The following MYO1C variants were observed in gnomAD, a reference collection of about 807,000 sequenced individuals.
The protein encoded by MYO1C is unconventional myosin-Ic.
In MYO1C, 104 loss-of-function variants were observed where a neutral mutation model predicts 150.8. That is an observed-to-expected ratio of 0.69 (90% CI 0.59 to 0.81). The LOEUF (loss-of-function observed/expected upper bound fraction) is 0.81. Among genes scored for constraint, MYO1C ranks in the 30% least tolerant of loss-of-function variants. MYO1C has a pLI of 0.00. For missense variants in MYO1C, 1,504 were observed against 1,435.0 expected (o/e 1.05, Z -0.78); for synonymous variants, 663 against 579.9 (o/e 1.14, Z -2.06).
chr17:1,491,458 C>G (rs1463542706), intron 1 of MYO1C: 6 of 200,220 alleles, frequency 3.0e-5, no homozygotes, highest in East Asian at 1.9e-4. Context: ...CCCCCCCCCC[C>G]CGCACGGGTC....
intron 16 of MYO1C, 38 bp downstream of exon 16, chr17:1,474,774 T>TCCCCCC: frequency 6.3e-6 from 10 of 1,597,364 alleles, no homozygotes; most frequent in Non-Finnish European, 7.7e-6. Context: ...CTGTGGGCTA[T>TCCCCCC]CCCCACCCCC....
rs756980248 is a variant in MYO1C at position 1,478,641 on chromosome 17, T to A, written c.1187A>T (p.Lys396Met). The A allele has an allele frequency of 1.2e-6, 2 of 1,614,034 alleles. No homozygotes were observed. The highest frequency in any genetic ancestry group is 3.3e-5 in the Admixed American group (2 of 60,006). ...YSRTFTWLVG[K>M]INRSLASKDV... ...CTTGGAGGCCAGCGACCTGTTGATC[T>A]TCCCGACGAGCCAGGTAAAAGTGCG... Residue 396 changes from lysine (K) to methionine (M), a missense_variant, in exon 10 of 32, where the codon AAG (lysine) becomes ATG (methionine). Lys to Met is a moderately conservative substitution (Grantham distance 95, BLOSUM62 -1). Transcript: ENST00000648651. The surrounding 1 kb of genome is among the most constrained non-coding windows in gnomAD (Gnocchi z 6.3).
At chr17:1,473,664 C>T (rs2074347540) in intron 17 of MYO1C, among the ~76,000 whole-genome samples, 1 of 152,212 alleles carries the variant, frequency 6.6e-6, no homozygotes, top group South Asian at 2.1e-4. Context: ...GGAGCCCTCC[C>T]TGCATCTGGC....
rs193298549 is a variant in MYO1C, at chr17:1,490,225, C to T, written c.75+2188G>A. Reference sequence around the variant, plus strand: ...TAAAACCTCACCTCCAGGCCGGGCGCGGTGGCTCAGGCCTGTAATCCCAGC... The same window carrying T: ...TAAAACCTCACCTCCAGGCCGGGCGTGGTGGCTCAGGCCTGTAATCCCAGC... On this transcript the variant is annotated intron_variant, in intron 1 of 31. Transcript: ENST00000648651. 5.3e-3 allele frequency among the ~76,000 whole-genome samples: 809 copies of T among 151,728 alleles called. 38 individuals carry two copies. The highest frequency in any genetic ancestry group is 0.048 in the Admixed American group (732 of 15,220).
intron 25 of MYO1C, 48 bp from the exon 26 acceptor site, chr17:1,468,544 T>G: frequency 6.8e-7 from 1 of 1,464,334 alleles, no homozygotes; most frequent in Non-Finnish European, 9.6e-7. Flanking sequence ...GGGAGCACCA[T>G]CTTGGGGGGG....
chr17:1,484,909 G>A (rs925283910), intron 1 of MYO1C: 5 of 435,384 alleles, frequency 1.1e-5, no homozygotes, highest in South Asian at 6.4e-5. Context: ...CCGGTAGAGC[G>A]TCGAGCACCA....
intron 31 of MYO1C, among the ~76,000 whole-genome samples, chr17:1,466,183 G>C (rs1290645213): frequency 5.0e-5 from 6 of 118,868 alleles, no homozygotes; most frequent in Non-Finnish European, 1.0e-4. Context: ...TTTTGAGACA[G>C]GGTCTCATTT....
rs199982977 is a variant in MYO1C at position 1,468,448 on chromosome 17, T to C, written c.2659A>G (p.Asn887Asp). The C allele has an allele frequency of 5.0e-6, 8 of 1,613,878 alleles. No individual in the cohort carries two copies. Among genetic ancestry groups the C allele is most frequent in the Non-Finnish European group, 6.8e-6 (8 of 1,179,940 alleles). The change falls in exon 26 of 32, where the codon AAT becomes GAT. Residue 887 changes from asparagine (N) to aspartate (D), a missense_variant. Coordinates refer to ENST00000648651, the MANE Select transcript of MYO1C (RefSeq NM_001080779.2). ...ASEIFKGKKD[N>D]YPQSVPRLFI... is the part of the protein sequence containing the mutation. Reference sequence around the variant, plus strand: ...AGCCTGGGTACACTCTGAGGGTAATTATCCTTCTTGCCCTTGAAGATCTCA... The same window carrying C: ...AGCCTGGGTACACTCTGAGGGTAATCATCCTTCTTGCCCTTGAAGATCTCA...
chr17:1,464,496 C>G lies in MYO1C; in HGVS notation c.*1230G>C, dbSNP rs1189805806. 6.7e-6 allele frequency: 1 copy of G among 149,568 alleles called. No individual in the cohort carries two copies. The highest frequency in any genetic ancestry group is 2.1e-4 in the South Asian group (1 of 4,780). 9.3% of individuals were successfully genotyped at this position (149,568 alleles called of 1,614,324 possible). On this transcript the variant is annotated 3_prime_UTR_variant, in exon 32 of 32. Transcript: ENST00000648651. ...ACTCTGGCAGAGGCGCTTTTCCCAC[C>G]TGGTGGCTCCCAGGGCCGATTGCTG...
In MYO1C at chr17:1,471,046, C is replaced by T. The variant is rs2150937780; in HGVS notation, c.2212+25G>A. 3 of 1,611,308 alleles carry T rather than the reference C, an allele frequency of 1.9e-6. No individual in the cohort carries two copies. The East Asian group carries it at 6.7e-5, about 36-fold the overall frequency. ...GCTTCCCAGAAGGGACCCCGTGCAG[C>T]AGGAAGGGTAGGCCTCTCTCTCACC... On this transcript the variant is annotated intron_variant, in intron 21 of 31. Coordinates refer to ENST00000648651, the MANE Select transcript of MYO1C (RefSeq NM_001080779.2).
In MYO1C at chr17:1,467,323, G is replaced by A; in HGVS notation, c.3084C>T (p.Gly1028=). The A allele has an allele frequency of 1.2e-6, 2 of 1,613,096 alleles. No individual in the cohort carries two copies. Among genetic ancestry groups the A allele is most frequent in the South Asian group, 1.1e-5 (1 of 90,964 alleles). The change falls in exon 31 of 32, where the codon GGC becomes GGT. Residue 1028 remains glycine (G), a synonymous_variant. Transcript: ENST00000648651. ...AGTCAATGGTGCCATCCCTGCCGGG[G>A]CCCCCTGCAAACGTGATGCTGGGGG... ...INQGSITFAG[G]PGRDGTIDFT...
chr17:1,484,959 C>T (rs2074620930), intron 1 of MYO1C: 1 of 489,450 alleles, frequency 2.0e-6, no homozygotes, highest in Non-Finnish European at 3.9e-6. Flanking sequence ...AGGGGTTCCC[C>T]CAGAGGGCCT....
chr17:1,468,545 C>T (rs1158272354), intron 25 of MYO1C, 49 bp from the exon 26 acceptor site: 1 of 1,468,100 alleles, frequency 6.8e-7, no homozygotes, highest in Non-Finnish European at 9.5e-7. Flanking sequence ...GGAGCACCAT[C>T]TTGGGGGGGC....
intron 17 of MYO1C, chr17:1,472,429 C>T (rs2074323991): frequency 1.7e-6 from 1 of 590,852 alleles, no homozygotes; most frequent in African/African-American, 1.9e-5. Context: ...GGGCGAGAGA[C>T]CTCAGTCTAC....
Position 1,468,050 on chromosome 17 carries a change from T to C in MYO1C, c.2834A>G (p.Asn945Ser). Residue 945 changes from asparagine (N) to serine (S), a missense_variant, in exon 28 of 32, where the codon AAC (asparagine) becomes AGC (serine). Transcript: ENST00000648651. ...GGCGTCCTCCACGATGACGACGGCG[T>C]TGGGCGTGAGCAGCAGCTGCCGGGA... ...PRSRQLLLTP[N>S]AVVIVEDAKV... The C allele has an allele frequency of 6.2e-7, 1 of 1,612,992 alleles. No individual in the cohort carries two copies. The highest frequency in any genetic ancestry group is 1.1e-5 in the South Asian group (1 of 91,020).
chr17:1,470,041 C>T, intron 24 of MYO1C, 134 bp downstream of exon 24: 1 of 955,460 alleles, frequency 1.0e-6, no homozygotes. Flanking sequence ...AAAAAAGAGA[C>T]CTTACTTTTC....
chr17:1,481,350 C>T (rs192878621), intron 5 of MYO1C: 13 of 210,146 alleles, frequency 6.2e-5, no homozygotes, highest in Admixed American at 3.7e-4. Flanking sequence ...AATCACTGCT[C>T]GCCACTTCCA....
chr17:1,485,234 C>T (rs2074627238), intron 1 of MYO1C: 1 of 1,165,564 alleles, frequency 8.6e-7, no homozygotes, highest in African/African-American at 1.6e-5. Flanking sequence ...CAAACAGGGT[C>T]TCAGGGCTCC....
chr17:1,468,437 C>G lies in MYO1C; in HGVS notation c.2670G>C (p.Gln890His). ...IFKGKKDNYP[Q>H]SVPRLFISTR... ...TGCTGATGAAGAGCCTGGGTACACT[C>G]TGAGGGTAATTATCCTTCTTGCCCT... Residue 890 changes from glutamine (Q) to histidine (H), a missense_variant, in exon 26 of 32, where the codon CAG becomes CAC. Physicochemically the swap from Gln to His is conservative, Grantham distance 24. Transcript: ENST00000648651. 1 of 1,614,096 alleles carries G rather than the reference C, an allele frequency of 6.2e-7. No individual in the cohort carries two copies. Among genetic ancestry groups the G allele is most frequent in the Non-Finnish European group, 8.5e-7 (1 of 1,179,998 alleles).
Sources: gnomAD v4.1 joint callset for allele counts (sites outside exome capture counted in the v4.1 genomes callset) on GRCh38, gnomAD v4.1.1 for gene constraint, Gnocchi (gnomAD v3.1) non-coding constraint, MANE v1.5 for transcripts, NCBI Gene and HGNC (gene_info 2026-07-23, HGNC 2026-07-21) for gene names.